ALDH1L1: variants seen among roughly 807,000 people sequenced by gnomAD.
ALDH1L1 encodes the protein cytosolic 10-formyltetrahydrofolate dehydrogenase.
ALDH1L1 carries 68 observed loss-of-function variants against 101.1 expected under a neutral mutation model. That is an observed-to-expected ratio of 0.67 (90% CI 0.55 to 0.82). ALDH1L1 has a LOEUF of 0.82. Among genes scored for constraint, ALDH1L1 ranks in the 40% least tolerant of loss-of-function variants. The pLI is 0.00. For synonymous variants in ALDH1L1, 486 were observed against 470.8 expected (o/e 1.03, Z -0.42); for missense variants, 1,087 against 1,172.7 (o/e 0.93, Z 1.07).
At chr3:126,181,093 T>C, upstream of ALDH1L1, 1 of 1,216,940 alleles carries the variant, frequency 8.2e-7, no homozygotes, top group Non-Finnish European at 1.2e-6. Flanking sequence ...GCCCAGTGCC[T>C]ACCCGCCTCT....
chr3:126,143,840 A>G (rs2080618494), intron 9 of ALDH1L1, among the ~76,000 whole-genome samples: 1 of 152,188 alleles, frequency 6.6e-6, no homozygotes, highest in East Asian at 1.9e-4. Context: ...GCTACTCAGG[A>G]GGCTGAGGCA....
At position 126,158,475 on chromosome 3, in the gene ALDH1L1, G is replaced by T; in HGVS notation, c.292C>A (p.Pro98Thr). The T allele has an allele frequency of 1.9e-6, 3 of 1,613,978 alleles. No individual in the cohort carries two copies. The highest frequency in any genetic ancestry group is 2.5e-6 in the Non-Finnish European group (3 of 1,179,936). ...TGATAGATGATGGAGCCATGCCGGG[G>T]GGCACTGATTATCTCCATGGGGATG... The part of the protein sequence containing the change: ...QFIPMEIISA[P>T]RHGSIIYHPS... Residue 98 changes from proline (P) to threonine (T), a missense_variant, in exon 3 of 23, where the codon CCC becomes ACC. This residue lies in a region of ALDH1L1 where 645 missense variants were observed against 637.0 expected (regional missense o/e 1.01). Transcript: ENST00000393434.
rs4646741 is a variant in ALDH1L1 at position 126,117,960 on chromosome 3, G to T, written c.1982+45C>A. On this transcript the variant is annotated intron_variant, in intron 17 of 22. Coordinates refer to ENST00000393434, the MANE Select transcript of ALDH1L1 (RefSeq NM_012190.4). ...GGGACAGCACTGCCATGTCCCAGGC[G>T]CAGCCCACAGCAGCCCCTCCTCTGC... 1.9e-6 allele frequency: 3 copies of T among 1,541,530 alleles called. No individual in the cohort carries two copies. In the African/African-American group the frequency reaches 4.1e-5, roughly 21 times the overall value.
intron 16 of ALDH1L1, among the ~76,000 whole-genome samples, chr3:126,120,505 C>T (rs775810250): frequency 9.9e-5 from 15 of 152,218 alleles, no homozygotes; most frequent in Admixed American, 2.0e-4. Context: ...AGTGAAACTA[C>T]TCTGTGTTAC....
intron 1 of ALDH1L1, chr3:126,179,857 C>A (rs2081437853): frequency 6.6e-6 from 1 of 152,208 alleles, no homozygotes; most frequent in African/African-American, 2.4e-5. Context: ...GCCCCAGGAG[C>A]CACGTTGTGG....
intron 1 of ALDH1L1, among the ~76,000 whole-genome samples, chr3:126,177,740 A>C (rs1171248957): frequency 6.6e-6 from 1 of 152,212 alleles, no homozygotes; most frequent in Non-Finnish European, 1.5e-5. Flanking sequence ...ATATTGGCTC[A>C]CCAAGTATAA....
intron 1 of ALDH1L1, among the ~76,000 whole-genome samples, chr3:126,167,068 C>T (rs548709087): frequency 5.9e-5 from 9 of 152,228 alleles, no homozygotes; most frequent in South Asian, 4.1e-4. Flanking sequence ...TTAGTATCTA[C>T]GTAGGTTCAG....
Position 126,153,495 on chromosome 3 carries a change from TG to T in ALDH1L1, c.806del (p.Pro269GlnfsTer21). On this transcript the variant is annotated frameshift_variant, in exon 7 of 23. Coordinates refer to ENST00000393434, the MANE Select transcript of ALDH1L1 (RefSeq NM_012190.4). LOFTEE classifies it high-confidence loss of function. ...TGAGTCCTGCTTTGGTGACCACCCC[TG>T]GCCGATGGGCTCCTGGGATGGGCAA... ...DALPIPGAHRPGVVTKAGLIL... is the reference protein window; with the variant it reads ...DALPIPGAHRXGVVTKAGLIL... 1 of 1,614,170 alleles carries T rather than the reference TG, an allele frequency of 6.2e-7. No homozygotes were observed. Among genetic ancestry groups the T allele is most frequent in the Non-Finnish European group, 8.5e-7 (1 of 1,180,018 alleles).
chr3:126,187,215 C>G (rs1482488606), intron 1 of ALDH1L1, among the ~76,000 whole-genome samples: 2 of 151,712 alleles, frequency 1.3e-5, no homozygotes, highest in Non-Finnish European at 2.9e-5. Context: ...GTTGAATGTA[C>G]AAGAAAGAAA....
At position 126,177,815 on chromosome 3, in the gene ALDH1L1, T is replaced by C. The variant is rs2081390600; in HGVS notation, c.-24+2661A>G. On this transcript the variant is annotated intron_variant, in intron 1 of 22. Transcript: ENST00000393434. ...AGCACTTTGGGAGGCCAAGGCGGGCTGATCACTTGAGGCCAGGAGTTCAAA... is the reference window on the plus strand; with the variant it reads ...AGCACTTTGGGAGGCCAAGGCGGGCCGATCACTTGAGGCCAGGAGTTCAAA... Among the ~76,000 whole-genome samples, 7 of 148,194 alleles carry C rather than the reference T, an allele frequency of 4.7e-5. No individual in the cohort carries two copies. The South Asian group carries it at 1.1e-3, about 23-fold the overall frequency.
intron 16 of ALDH1L1, 44 bp from the exon 17 acceptor site, chr3:126,118,142 G>T: frequency 6.6e-7 from 1 of 1,526,486 alleles, no homozygotes; most frequent in Non-Finnish European, 9.0e-7. Context: ...TCCCCCTGGT[G>T]CTGGGGAGGC....
intron 21 of ALDH1L1, 101 bp downstream of exon 21, chr3:126,107,037 TCTC>T (rs994453730): frequency 6.0e-5 from 64 of 1,060,586 alleles, no homozygotes; most frequent in African/African-American, 6.3e-5. Context: ...CTGCCTGAGT[TCTC>T]CTCCTGACTG....
At chr3:126,145,340 C>T (rs1469335829) in intron 9 of ALDH1L1, among the ~76,000 whole-genome samples, 2 of 152,336 alleles carry the variant, frequency 1.3e-5, no homozygotes, top group East Asian at 3.9e-4. Flanking sequence ...TCATATGACC[C>T]AGTAATCTCA....
chr3:126,138,820 C>T (rs561689899), intron 9 of ALDH1L1, among the ~76,000 whole-genome samples: 2 of 152,210 alleles, frequency 1.3e-5, no homozygotes, highest in African/African-American at 2.4e-5. Context: ...GATGGCAGAA[C>T]AAGAAGCTCC....
intron 14 of ALDH1L1, chr3:126,129,460 G>C (rs1316112446): frequency 6.5e-6 from 1 of 152,706 alleles, no homozygotes; most frequent in Non-Finnish European, 1.5e-5. Context: ...CTGTGGCACC[G>C]CGTGCAGGCG....
chr3:126,109,337 G>A (rs1387797769), intron 20 of ALDH1L1, among the ~76,000 whole-genome samples: 1 of 152,200 alleles, frequency 6.6e-6, no homozygotes, highest in Non-Finnish European at 1.5e-5. Context: ...AGCAGCAGGT[G>A]TGTGTGTCTG....
intron 18 of ALDH1L1, among the ~76,000 whole-genome samples, chr3:126,113,170 T>C (rs1405086156): frequency 2.0e-5 from 3 of 152,126 alleles, no homozygotes; most frequent in Non-Finnish European, 4.4e-5. Context: ...GGGGACCAAG[T>C]GGGAGTGAGC....
intron 8 of ALDH1L1, among the ~76,000 whole-genome samples, chr3:126,149,381 G>A (rs961049981): frequency 9.9e-5 from 15 of 152,120 alleles, no homozygotes; most frequent in Admixed American, 4.6e-4. Flanking sequence ...AGATAGCATC[G>A]TTTGACTCAG....
chr3:126,160,379 A>G (rs2081017006), intron 2 of ALDH1L1: 1 of 155,792 alleles, frequency 6.4e-6, no homozygotes, highest in Non-Finnish European at 1.4e-5. Flanking sequence ...TCCAGAGTAC[A>G]ATGGAGAAGA....
Sources: allele counts gnomAD v4.1 joint callset (sites outside exome capture counted in the v4.1 genomes callset), GRCh38; gene constraint gnomAD v4.1.1; regional missense constraint gnomAD v4.1.1; transcripts MANE v1.5; gene names NCBI Gene and HGNC (gene_info 2026-07-23, HGNC 2026-07-21).